Variants in NCK2 observed in about 807,000 individuals in gnomAD.
NCK2 encodes the protein NCK adaptor protein 2, also known as cytoplasmic protein NCK2.
In NCK2, 16 loss-of-function variants were observed where a neutral mutation model predicts 33.9. The ratio of observed to expected loss-of-function variants is 0.47; its 90% CI spans 0.32 to 0.72. The LOEUF is 0.72. Among genes scored for constraint, NCK2 ranks in the 30% least tolerant of loss-of-function variants. The probability of loss-of-function intolerance (pLI) is 0.03; values close to 1 mark genes in which losing one functional copy is unlikely to be tolerated. For missense variants in NCK2, 418 were observed against 537.3 expected, an observed-to-expected ratio of 0.78 and a Z score of 2.19; for synonymous variants, 273 against 239.9, an observed-to-expected ratio of 1.14 and a Z score of -1.27.
intron 1 of NCK2, among the ~76,000 whole-genome samples, chr2:105,782,415 G>A (rs1198697865): frequency 6.6e-6 from 1 of 152,136 alleles, no homozygotes; most frequent in Non-Finnish European, 1.5e-5. Flanking sequence ...TTGGGTTGAT[G>A]GCCATTTGAG....
intron 2 of NCK2, among the ~76,000 whole-genome samples, chr2:105,825,364 C>T (rs758062253): frequency 6.6e-6 from 1 of 152,154 alleles, no homozygotes; most frequent in Non-Finnish European, 1.5e-5. Flanking sequence ...AATCCCATTC[C>T]GTTACTAGTG....
intron 1 of NCK2, among the ~76,000 whole-genome samples, chr2:105,772,938 C>A (rs1690182958): frequency 6.7e-6 from 1 of 148,780 alleles, no homozygotes; most frequent in African/African-American, 2.5e-5. Flanking sequence ...GTTGCCCAGG[C>A]TGGAGTGCAG....
At chr2:105,799,330 C>T (rs1573606639) in intron 1 of NCK2, among the ~76,000 whole-genome samples, 1 of 152,090 alleles carries the variant, frequency 6.6e-6, no homozygotes, top group East Asian at 1.9e-4. Flanking sequence ...TCCTTCTATA[C>T]TTTTACTTTT....
At chr2:105,786,702 C>T (rs1185366234) in intron 1 of NCK2, among the ~76,000 whole-genome samples, 1 of 152,210 alleles carries the variant, frequency 6.6e-6, no homozygotes, top group Non-Finnish European at 1.5e-5. Flanking sequence ...GCAGGGCTTC[C>T]TGTCTCCATC....
chr2:105,849,939 C>T (rs541609317), intron 2 of NCK2, among the ~76,000 whole-genome samples: 1 of 152,310 alleles, frequency 6.6e-6, no homozygotes, highest in African/African-American at 2.4e-5. Context: ...ACAAGCTCCT[C>T]ATGAGGTATT....
chr2:105,881,862 T>G lies in NCK2; in HGVS notation c.761T>G (p.Val254Gly). 6.3e-7 allele frequency: 1 copy of G among 1,590,010 alleles called. No homozygotes were observed. The highest frequency in any genetic ancestry group is 1.2e-5 in the South Asian group (1 of 86,318). Residue 254 changes from valine to glycine, a missense_variant, in exon 4 of 5, where the codon GTC (valine) becomes GGC (glycine). By Grantham distance (109) the Val-to-Gly change is moderately radical. Transcript: ENST00000233154. ...VGLVPKNYVV[V>G]LSDGPALHPA... is the part of the protein sequence containing the mutation. ...CTCGTCCCCAAAAACTACGTGGTGG[T>G]CCTCAGTGACGGGCCTGCCCTGCAC...
At chr2:105,793,088 G>A (rs183644161) in intron 1 of NCK2, among the ~76,000 whole-genome samples, 4 of 152,086 alleles carry the variant, frequency 2.6e-5, no homozygotes, top group Admixed American at 1.3e-4. Flanking sequence ...TATAATGGCC[G>A]TGGAATTGAG....
chr2:105,787,994 C>T (rs1690742393), intron 1 of NCK2, among the ~76,000 whole-genome samples: 1 of 151,862 alleles, frequency 6.6e-6, no homozygotes, highest in Non-Finnish European at 1.5e-5. Flanking sequence ...GTGCCACCAG[C>T]CAAGGACAAA....
At chr2:105,829,560 C>A (rs987156568) in intron 2 of NCK2, among the ~76,000 whole-genome samples, 1 of 152,132 alleles carries the variant, frequency 6.6e-6, no homozygotes, top group East Asian at 1.9e-4. Flanking sequence ...CTCAGACTTT[C>A]CTTGTTTTGT....
At chr2:105,801,298 G>A (rs759613131) in intron 1 of NCK2, among the ~76,000 whole-genome samples, 9 of 152,064 alleles carry the variant, frequency 5.9e-5, no homozygotes, top group Non-Finnish European at 1.0e-4. Flanking sequence ...CTTGTTGGAC[G>A]TCATTGTAGG....
At chr2:105,783,599 A>G (rs1690573408) in intron 1 of NCK2, among the ~76,000 whole-genome samples, 1 of 152,118 alleles carries the variant, frequency 6.6e-6, no homozygotes, top group Non-Finnish European at 1.5e-5. Flanking sequence ...CGCGGAGAAT[A>G]ATGGTGTGTT....
intron 3 of NCK2, 75 bp from the exon 4 acceptor site, chr2:105,881,253 G>A: frequency 3.3e-6 from 5 of 1,505,340 alleles, no homozygotes; most frequent in Non-Finnish European, 4.4e-6. Context: ...GAAACTGCGT[G>A]GAAATCCCGG....
Position 105,855,290 on chromosome 2 carries a change from GT to G in NCK2, c.226+2del. On this transcript the variant is annotated splice_donor_variant, in intron 3 of 4. Coordinates refer to ENST00000233154, the MANE Select transcript of NCK2 (RefSeq NM_003581.5). LOFTEE classifies it high-confidence loss of function. Reference sequence around the variant, plus strand: ...GTGAAGAACCTGAAGGACACACTAGGTGAGTGTTTCACCCTCGAGAGAGGAA... The same window carrying G: ...GTGAAGAACCTGAAGGACACACTAGGGAGTGTTTCACCCTCGAGAGAGGAA... 1 of 1,592,862 alleles carries G rather than the reference GT, an allele frequency of 6.3e-7. No individual in the cohort carries two copies. The highest frequency in any genetic ancestry group is 8.6e-7 in the Non-Finnish European group (1 of 1,166,720).
At chr2:105,842,652 C>CA (rs1041427941) in intron 2 of NCK2, among the ~76,000 whole-genome samples, 3 of 152,022 alleles carry the variant, frequency 2.0e-5, no homozygotes, top group African/African-American at 7.2e-5. Flanking sequence ...TGACTTGTGT[C>CA]ATTATGTTTT....
At chr2:105,850,783 CT>C (rs1314960454) in intron 2 of NCK2, among the ~76,000 whole-genome samples, 1 of 152,088 alleles carries the variant, frequency 6.6e-6, no homozygotes, top group Non-Finnish European at 1.5e-5. Context: ...TTTTTTCAGA[CT>C]TTCTTCTGTT....
intron 1 of NCK2, among the ~76,000 whole-genome samples, chr2:105,761,130 G>A (rs890824977): frequency 2.0e-5 from 3 of 152,182 alleles, no homozygotes; most frequent in African/African-American, 7.2e-5. Flanking sequence ...CCATGCTGGT[G>A]TGCCTGCCCG....
Position 105,867,016 on chromosome 2 carries a change from C to T in NCK2, c.226+11727C>T, listed in dbSNP as rs76551997. The stretch of plus-strand genomic sequence containing the variant: ...GAGAAAATTCCTGTTAATCATCCTA[C>T]ATACCATTCAGACATGCTTTCTAAA... On this transcript the variant is annotated intron_variant, in intron 3 of 4. Transcript: ENST00000233154. 4.2e-3 allele frequency among the ~76,000 whole-genome samples: 647 copies of T among 152,306 alleles called. 2 individuals are homozygous for T. Among genetic ancestry groups the T allele is most frequent in the African/African-American group, 0.014 (588 of 41,568 alleles).
At chr2:105,757,601 G>C (rs1391336059) in intron 1 of NCK2, among the ~76,000 whole-genome samples, 1 of 152,190 alleles carries the variant, frequency 6.6e-6, no homozygotes, top group East Asian at 1.9e-4. Flanking sequence ...ACTGTGCTGG[G>C]TGCCGTGGGA....
intron 1 of NCK2, among the ~76,000 whole-genome samples, chr2:105,753,874 G>A (rs771591716): frequency 2.6e-5 from 4 of 152,198 alleles, no homozygotes; most frequent in Non-Finnish European, 4.4e-5. Context: ...CTGCTTCTGA[G>A]GTTGTGAGAG....
Sources: gnomAD v4.1 joint callset for allele counts (sites outside exome capture counted in the v4.1 genomes callset) on GRCh38, gnomAD v4.1.1 for gene constraint, MANE v1.5 for transcripts, NCBI Gene and HGNC (gene_info 2026-07-23, HGNC 2026-07-21) for gene names.